The following VWF variants were observed in gnomAD, a reference collection of about 807,000 sequenced individuals.
The protein encoded by VWF is von Willebrand factor, also known as Factor VIII related antigen.
A neutral mutation model predicts 308.6 loss-of-function variants in VWF; 176 were observed. That is an observed-to-expected ratio of 0.57 (90% CI 0.50 to 0.65). The LOEUF is 0.65. Ranked by LOEUF, VWF falls within the 30% of genes least tolerant of loss-of-function variation. The pLI is 0.00. For synonymous variants in VWF, 1,385 were observed against 1,443.4 expected, an observed-to-expected ratio of 0.96 and a Z score of 0.92; for missense variants, 3,146 against 3,648.2, an observed-to-expected ratio of 0.86 and a Z score of 3.55.
In VWF at chr12:6,107,496, A is replaced by C. The variant is rs572918686; in HGVS notation, c.532+2878T>G. Among the ~76,000 whole-genome samples, 9 of 152,330 alleles carry C rather than the reference A, an allele frequency of 5.9e-5. 1 individual carries two copies. The South Asian group carries it at 6.2e-4, about 11-fold the overall frequency. Reference sequence around the variant, plus strand: ...CATGACACACATCTGAAACAAAATCACATAGAAAGGTTGAAAGAATGGAAA... The same window carrying C: ...CATGACACACATCTGAAACAAAATCCCATAGAAAGGTTGAAAGAATGGAAA... On this transcript the variant is annotated intron_variant, in intron 5 of 51. Coordinates refer to ENST00000261405, the MANE Select transcript of VWF (RefSeq NM_000552.5).
intron 3 of VWF, among the ~76,000 whole-genome samples, chr12:6,115,726 G>A (rs1026749436): frequency 3.3e-5 from 5 of 152,130 alleles, no homozygotes; most frequent in Admixed American, 6.6e-5. Flanking sequence ...TGCATTCAGC[G>A]CCAGACACTT....
chr12:5,974,110 T>G (rs1193615914), intron 43 of VWF, among the ~76,000 whole-genome samples: 1 of 152,142 alleles, frequency 6.6e-6, no homozygotes, highest in Non-Finnish European at 1.5e-5. Flanking sequence ...AGACAACACA[T>G]GGACCGGCAT....
intron 50 of VWF, among the ~76,000 whole-genome samples, chr12:5,950,648 T>C (rs1174127852): frequency 6.6e-6 from 1 of 150,480 alleles, no homozygotes; most frequent in Non-Finnish European, 1.5e-5. Flanking sequence ...GCCAATTACA[T>C]TAAGAGGATG....
chr12:5,999,864 T>G (rs1943851583), intron 34 of VWF, among the ~76,000 whole-genome samples: 1 of 151,358 alleles, frequency 6.6e-6, no homozygotes, highest in Admixed American at 6.6e-5. Flanking sequence ...TGGGGGTGGG[T>G]AATAAAAGTG....
At chr12:6,032,326 CA>C (rs57411884) in intron 20 of VWF, among the ~76,000 whole-genome samples, 36,056 of 134,126 alleles carry the variant, frequency 0.27, 4,701 homozygotes, top group Non-Finnish European at 0.32. Context: ...GACTCCATCT[CA>C]AAAAAAAAAA....
intron 16 of VWF, among the ~76,000 whole-genome samples, chr12:6,049,617 T>C (rs1944485806): frequency 6.6e-6 from 1 of 152,238 alleles, no homozygotes; most frequent in Non-Finnish European, 1.5e-5. Flanking sequence ...TGGGCTCTAG[T>C]CACTTGCTGG....
At chr12:6,023,884 A>T (rs1308475948) in intron 24 of VWF, 97 bp from the exon 25 acceptor site, 1 of 1,397,022 alleles carries the variant, frequency 7.2e-7, no homozygotes, top group Non-Finnish European at 1.0e-6. Context: ...CAATTTAAGG[A>T]TAAGGGGGTC....
At chr12:5,952,582 C>T in intron 48 of VWF, 63 bp from the exon 49 acceptor site, 1 of 1,593,018 alleles carries the variant, frequency 6.3e-7, no homozygotes, top group Non-Finnish European at 8.6e-7. Context: ...CCACTTCAAA[C>T]CATGAGCTTG....
chr12:6,054,306 G>A (rs567931042), intron 15 of VWF, among the ~76,000 whole-genome samples: 1 of 152,314 alleles, frequency 6.6e-6, no homozygotes, highest in Admixed American at 6.5e-5. Context: ...AGAATGGAAA[G>A]GTTGGATTAT....
In VWF at chr12:6,075,376, T is replaced by G. The variant is rs904991472; in HGVS notation, c.833A>C (p.Glu278Ala). 2 of 1,613,914 alleles carry G rather than the reference T, an allele frequency of 1.2e-6. No homozygotes were observed. Among genetic ancestry groups the G allele is most frequent in the African/African-American group, 1.3e-5 (1 of 74,960 alleles). Residue 278 changes from glutamate (E) to alanine (A), a missense_variant, in exon 7 of 52, where the codon GAG becomes GCG. By Grantham distance (107) the Glu-to-Ala change is moderately radical (BLOSUM62 -1). Transcript: ENST00000261405. The surrounding 1 kb of genome is among the most constrained non-coding windows in gnomAD (Gnocchi z 4.7). ...GGTCCAGCCGTACAGCACCATTCCC[T>G]CCTGGGCACAGGTCCGGGCGTACTC... Reference protein sequence around the residue: ...LLEYARTCAQEGMVLYGWTDH... With the variant: ...LLEYARTCAQAGMVLYGWTDH...
rs1007922055 is a variant in VWF at position 6,108,184 on chromosome 12, C to T, written c.532+2190G>A. ...TGACACCTGGATGTAGTCCCAGCTA[C>T]TCAGGAGGCTGAGGTAGAAGAATCG... On this transcript the variant is annotated intron_variant, in intron 5 of 51. Transcript: ENST00000261405. Among the ~76,000 whole-genome samples, 11 of 151,466 alleles carry T rather than the reference C, an allele frequency of 7.3e-5. No homozygotes were observed. In the South Asian group the frequency reaches 2.3e-3, roughly 32 times the overall value.
chr12:5,980,497 T>A (rs928988954), intron 42 of VWF, among the ~76,000 whole-genome samples: 1 of 152,036 alleles, frequency 6.6e-6, no homozygotes, highest in Admixed American at 6.6e-5. Flanking sequence ...TGACCCAGCT[T>A]CCCCAACAAA....
chr12:6,027,575 A>G (rs1944208837), intron 22 of VWF, among the ~76,000 whole-genome samples: 1 of 152,150 alleles, frequency 6.6e-6, no homozygotes, highest in Admixed American at 6.5e-5. Flanking sequence ...GACAGACAGA[A>G]GCAGAAAAGG....
intron 47 of VWF, among the ~76,000 whole-genome samples, chr12:5,967,218 CAT>C (rs1333113187): frequency 6.6e-6 from 1 of 152,118 alleles, no homozygotes; most frequent in Non-Finnish European, 1.5e-5. Flanking sequence ...GAATTGTAAA[CAT>C]AGTATCATAA....
At chr12:6,051,839 C>A (rs1201459326) in intron 16 of VWF, among the ~76,000 whole-genome samples, 1 of 152,038 alleles carries the variant, frequency 6.6e-6, no homozygotes, top group Admixed American at 6.5e-5. Context: ...CTCAAACTCC[C>A]AGGCTCAAGC....
Position 5,948,905 on chromosome 12 carries a change from T to G in VWF, c.*110A>C. 7.8e-7 allele frequency: 1 copy of G among 1,288,694 alleles called. No homozygotes were observed. Among genetic ancestry groups the G allele is most frequent in the Non-Finnish European group, 1.1e-6 (1 of 912,234 alleles). 79.8% of individuals were successfully genotyped at this position (1,288,694 alleles called of 1,614,324 possible). The stretch of plus-strand genomic sequence containing the variant: ...TGCAAGATAAGAGCTCAGCCTTTAT[T>G]GTGGGCTCAGAAGGGCACAAGAGCA... On this transcript the variant is annotated 3_prime_UTR_variant, in exon 52 of 52. Transcript: ENST00000261405. The surrounding 1 kb of genome is among the most constrained non-coding windows in gnomAD (Gnocchi z 4.4).
intron 38 of VWF, among the ~76,000 whole-genome samples, chr12:5,991,167 TCACA>T (rs201361783): frequency 0.014 from 1,949 of 134,888 alleles, 16 homozygotes; most frequent in African/African-American, 0.021. Context: ...CAAGGGATTC[TCACA>T]CACACACACA....
chr12:6,099,706 T>C (rs925216027), intron 5 of VWF, among the ~76,000 whole-genome samples: 1 of 151,998 alleles, frequency 6.6e-6, no homozygotes, highest in African/African-American at 2.4e-5. Context: ...AAGCTGAAAC[T>C]GGATCCCTTC....
intron 15 of VWF, among the ~76,000 whole-genome samples, chr12:6,054,258 G>A (rs1002058618): frequency 1.3e-5 from 2 of 152,222 alleles, no homozygotes; most frequent in Non-Finnish European, 2.9e-5. Flanking sequence ...GGAAGGGAGG[G>A]CCTCTTTAAT....
Sources: allele counts gnomAD v4.1 joint callset (sites outside exome capture counted in the v4.1 genomes callset), GRCh38; gene constraint gnomAD v4.1.1; non-coding constraint Gnocchi (gnomAD v3.1); transcripts MANE v1.5; gene names NCBI Gene and HGNC (gene_info 2026-07-23, HGNC 2026-07-21).